Variants in RNF128 observed in about 807,000 individuals in gnomAD.
The protein encoded by RNF128 is ring finger protein 128.
RNF128 carries 13 observed loss-of-function variants against 26.2 expected under a neutral mutation model. The ratio of observed to expected loss-of-function variants is 0.50; its 90% CI spans 0.32 to 0.79. The LOEUF is 0.79. RNF128 is among the 30% of genes least tolerant of loss of function. The pLI, the probability that RNF128 is intolerant of heterozygous loss-of-function variation, is 0.03. For missense variants in RNF128, 315 were observed against 349.7 expected, an observed-to-expected ratio of 0.90 and a Z score of 0.79; for synonymous variants, 149 against 142.5, an observed-to-expected ratio of 1.05 and a Z score of -0.32.
rs139609618 is a variant in RNF128, at chrX:106,750,235, C to A, written c.485-22678C>A. 3.3e-3 allele frequency among the ~76,000 whole-genome samples: 369 copies of A among 112,147 alleles called. 1 individual carries two copies. Among genetic ancestry groups the A allele is most frequent in the Non-Finnish European group, 5.0e-3 (266 of 53,260 alleles). Reference sequence around the variant, plus strand: ...CACTACACATTAGGGCTTTCTCCAACCCTGAGAGCAGATTTCTAAACATTT... The same window carrying A: ...CACTACACATTAGGGCTTTCTCCAAACCTGAGAGCAGATTTCTAAACATTT... On this transcript the variant is annotated intron_variant, in intron 1 of 6. Transcript: ENST00000255499.
intron 4 of RNF128, among the ~76,000 whole-genome samples, chrX:106,788,397 T>TATATA (rs1569445323): frequency 6.8e-4 from 28 of 41,462 alleles, no homozygotes; most frequent in African/African-American, 3.9e-3. Context: ...TAATATATAT[T>TATATA]ATATATAATA....
At chrX:106,704,630 G>C (rs1001056663) in intron 1 of RNF128, among the ~76,000 whole-genome samples, 3 of 110,849 alleles carry the variant, frequency 2.7e-5, no homozygotes, top group African/African-American at 9.9e-5. Flanking sequence ...CCACAGTGAA[G>C]AGAAGATGAG....
chrX:106,696,682 C>T (rs766843999), intron 1 of RNF128, among the ~76,000 whole-genome samples: 13 of 111,021 alleles, frequency 1.2e-4, no homozygotes, highest in African/African-American at 4.2e-4. Context: ...TCTCTGGCTC[C>T]CCCTACCTCT....
At chrX:106,694,838 C>T (rs1255377747) in intron 1 of RNF128, among the ~76,000 whole-genome samples, 1 of 111,420 alleles carries the variant, frequency 9.0e-6, no homozygotes, top group Admixed American at 9.6e-5. Flanking sequence ...TAAATAATAG[C>T]ATATTATAAG....
chrX:106,756,594 G>T (rs1930014514), intron 1 of RNF128, among the ~76,000 whole-genome samples: 2 of 109,311 alleles, frequency 1.8e-5, no homozygotes, highest in South Asian at 7.8e-4. Context: ...ATTCAAGATG[G>T]ATTAAAGATT....
chrX:106,771,158 C>G (rs958653237), intron 1 of RNF128, among the ~76,000 whole-genome samples: 1 of 112,425 alleles, frequency 8.9e-6, no homozygotes, highest in African/African-American at 3.2e-5. Context: ...AGGTGTCAGT[C>G]GGCCCCTTCT....
chrX:106,785,938 G>T (rs1045393818), intron 3 of RNF128, among the ~76,000 whole-genome samples: 1 of 111,567 alleles, frequency 9.0e-6, no homozygotes, highest in Non-Finnish European at 1.9e-5. Context: ...CTAAATAAAT[G>T]GAAACATATA....
rs757101071 is a variant in RNF128, at chrX:106,744,665, T to C, written c.484+17268T>C. ...TAGTAGAGACGGGGTTTCACCGTGT[T>C]AACCAGGATGGTCTCTATCTCCTGA... On this transcript the variant is annotated intron_variant, in intron 1 of 6. Transcript: ENST00000255499. Among the ~76,000 whole-genome samples the C allele has an allele frequency of 7.2e-5, 8 of 110,903 alleles. No homozygotes were observed. The East Asian group carries it at 1.7e-3, about 24-fold the overall frequency.
intron 1 of RNF128, among the ~76,000 whole-genome samples, chrX:106,767,621 C>T (rs773116798): frequency 1.8e-5 from 2 of 111,597 alleles, no homozygotes; most frequent in Admixed American, 9.6e-5. Flanking sequence ...TGGGCTGAGA[C>T]GATGGGGTTT....
chrX:106,763,668 G>A (rs1366799588), intron 1 of RNF128, among the ~76,000 whole-genome samples: 8 of 110,381 alleles, frequency 7.2e-5, no homozygotes, highest in African/African-American at 2.3e-4. Flanking sequence ...CACCACGCCC[G>A]GCTAATTTTT....
At chrX:106,703,611 C>T (rs1216387682) in intron 1 of RNF128, among the ~76,000 whole-genome samples, 3 of 111,142 alleles carry the variant, frequency 2.7e-5, no homozygotes, top group Non-Finnish European at 1.9e-5. Context: ...TCATCATTGC[C>T]CTCAAGGAGG....
At chrX:106,779,585 A>C (rs1930532255) in intron 2 of RNF128, among the ~76,000 whole-genome samples, 1 of 109,623 alleles carries the variant, frequency 9.1e-6, no homozygotes. Context: ...CAAATTCTAA[A>C]GGGTGTTAAT....
chrX:106,787,206 A>G (rs1930672285), intron 3 of RNF128, among the ~76,000 whole-genome samples: 2 of 111,738 alleles, frequency 1.8e-5, no homozygotes, highest in African/African-American at 6.5e-5. Flanking sequence ...ATATTGTTCA[A>G]CTGGTGAATG....
At position 106,796,948 on chromosome X, in the gene RNF128, T is replaced by C. The variant is rs1297338422; in HGVS notation, c.*1235T>C. The C allele has an allele frequency of 1.8e-5, 2 of 112,462 alleles. No individual in the cohort carries two copies. Among genetic ancestry groups the C allele is most frequent in the Non-Finnish European group, 3.8e-5 (2 of 53,211 alleles). The allele number at this position is 112,462 out of a possible 1,213,427, so 9.3% of individuals were successfully genotyped here. A position where few individuals can be genotyped will look rare whatever the true frequency, so the allele number is the denominator to read the frequency against. On this transcript the variant is annotated 3_prime_UTR_variant, in exon 7 of 7. Coordinates refer to ENST00000255499, the MANE Select transcript of RNF128 (RefSeq NM_194463.2). Reference sequence around the variant, plus strand: ...TGCTGTAAATATGTCCCAATTTGTATTGATTCTCTTTAAATATAAAATGTA... The same window carrying C: ...TGCTGTAAATATGTCCCAATTTGTACTGATTCTCTTTAAATATAAAATGTA...
rs763836387 is a variant in RNF128, at chrX:106,772,958, C to T, written c.530C>T (p.Thr177Ile). 5.0e-6 allele frequency: 6 copies of T among 1,208,082 alleles called. No homozygotes were observed. In the East Asian group the frequency reaches 8.9e-5, roughly 18 times the overall value. Reference sequence around the variant, plus strand: ...ATCATGATCGGCAATCTGAAAGGCACAAAAATTCTGCAATCTATTCAAAGA... The same window carrying T: ...ATCATGATCGGCAATCTGAAAGGCATAAAAATTCTGCAATCTATTCAAAGA... ...VAIMIGNLKG[T>I]KILQSIQRGI... is the part of the protein sequence containing the mutation. The change falls in exon 2 of 7, where the codon ACA becomes ATA. Residue 177 changes from threonine to isoleucine, a missense_variant. By Grantham distance (89) the Thr-to-Ile change is moderately conservative. Coordinates refer to ENST00000255499, the MANE Select transcript of RNF128 (RefSeq NM_194463.2).
intron 2 of RNF128, among the ~76,000 whole-genome samples, chrX:106,782,874 C>A (rs191825135): frequency 2.9e-4 from 32 of 111,503 alleles, no homozygotes; most frequent in African/African-American, 1.0e-3. Context: ...GTTTTCTTCT[C>A]TGTCTGATTA....
chrX:106,791,331 C>G, intron 6 of RNF128, 97 bp downstream of exon 6: 1 of 832,156 alleles, frequency 1.2e-6, no homozygotes. Flanking sequence ...TTCCATTCAG[C>G]CATTATCATG....
At chrX:106,768,238 T>C (rs904283926) in intron 1 of RNF128, among the ~76,000 whole-genome samples, 1 of 111,788 alleles carries the variant, frequency 8.9e-6, no homozygotes, top group African/African-American at 3.3e-5. Flanking sequence ...ATAAAATGAG[T>C]TAGGAAGGAT....
At chrX:106,703,649 C>T (rs1010875761) in intron 1 of RNF128, among the ~76,000 whole-genome samples, 30 of 110,979 alleles carry the variant, frequency 2.7e-4, no homozygotes, top group African/African-American at 8.8e-4. Flanking sequence ...CTAATATTTA[C>T]GCAAGTCATA....
Sources: gnomAD v4.1 joint callset for allele counts (sites outside exome capture counted in the v4.1 genomes callset) on GRCh38, gnomAD v4.1.1 for gene constraint, MANE v1.5 for transcripts, NCBI Gene and HGNC (gene_info 2026-07-23, HGNC 2026-07-21) for gene names.